Variants in KATNB1 observed in about 807,000 individuals in gnomAD.
KATNB1 encodes the protein katanin regulatory subunit B1.
A neutral mutation model predicts 82.3 loss-of-function variants in KATNB1; 38 were observed. The observed-to-expected ratio is 0.46, with a 90% CI of 0.36 to 0.61. The LOEUF is 0.61. Ranked by LOEUF, KATNB1 falls within the 20% of genes least tolerant of loss-of-function variation. KATNB1 has a pLI of 0.00. For missense variants in KATNB1, 749 were observed against 915.7 expected (o/e 0.82, Z 2.35); for synonymous variants, 361 against 368.7 (o/e 0.98, Z 0.24).
At chr16:57,750,253 G>A (rs1242584951) in intron 4 of KATNB1, among the ~76,000 whole-genome samples, 1 of 152,242 alleles carries the variant, frequency 6.6e-6, no homozygotes, top group African/African-American at 2.4e-5. Context: ...TTCCGCTGGA[G>A]CACAGTCTGT....
intron 12 of KATNB1, 89 bp from the exon 13 acceptor site, chr16:57,753,856 C>T (rs1429648013): frequency 8.0e-7 from 1 of 1,245,680 alleles, no homozygotes; most frequent in East Asian, 2.4e-5. Context: ...CTGGGAGCTA[C>T]CCTCCGTCCC....
At chr16:57,743,475 T>C (rs2049158135) in intron 3 of KATNB1, among the ~76,000 whole-genome samples, 1 of 152,212 alleles carries the variant, frequency 6.6e-6, no homozygotes, top group Non-Finnish European at 1.5e-5. Context: ...TTCAAATGTG[T>C]TTTCTACCCC....
At chr16:57,745,033 G>A (rs1040718310) in intron 4 of KATNB1, among the ~76,000 whole-genome samples, 25 of 152,156 alleles carry the variant, frequency 1.6e-4, no homozygotes, top group African/African-American at 6.0e-4. Flanking sequence ...GTTGTACATA[G>A]CCTAAAATTT....
At position 57,750,885 on chromosome 16, in the gene KATNB1, C is replaced by T. The variant is rs34213816; in HGVS notation, c.348C>T (p.Tyr116=). The change falls in exon 5 of 20, where the codon TAC becomes TAT. Residue 116 remains tyrosine (Y), a synonymous_variant. Coordinates refer to ENST00000379661, the MANE Select transcript of KATNB1 (RefSeq NM_005886.3). The part of the protein sequence containing the change: ...ANICSLDFHP[Y]GEFVASGSQD... ...TCTGCAGCCTGGATTTCCACCCGTA[C>T]GGCGAGTTTGTAGCCTCTGGTTCCC... 8.9e-3 allele frequency: 14,392 copies of T among 1,614,128 alleles called. 202 individuals are homozygous for T. The highest frequency in any genetic ancestry group is 0.067 in the Admixed American group (3,994 of 60,022).
At chr16:57,736,571 C>G (rs1274114318) in intron 1 of KATNB1, among the ~76,000 whole-genome samples, 1 of 152,080 alleles carries the variant, frequency 6.6e-6, no homozygotes, top group African/African-American at 2.4e-5. Context: ...CTTCAGTGGC[C>G]GTCTCTGGGA....
chr16:57,750,740 C>T (rs572491386), intron 4 of KATNB1, 87 bp from the exon 5 acceptor site: 125 of 948,456 alleles, frequency 1.3e-4, no homozygotes, highest in African/African-American at 3.4e-4. Flanking sequence ...AATCCAAAAG[C>T]GCACACACAA....
chr16:57,756,837 A>C lies in KATNB1; in HGVS notation c.1859A>C (p.Tyr620Ser), dbSNP rs1396624588. 1 of 1,575,886 alleles carries C rather than the reference A, an allele frequency of 6.3e-7. No individual in the cohort carries two copies. Among genetic ancestry groups the C allele is most frequent in the African/African-American group, 1.4e-5 (1 of 73,890 alleles). The change falls in exon 20 of 20, where the codon TAC (tyrosine) becomes TCC (serine). Residue 620 changes from tyrosine to serine, a missense_variant. By Grantham distance (144) the Tyr-to-Ser change is moderately radical. Transcript: ENST00000379661. Reference protein sequence around the residue: ...EERLHKCRLCYKQLKSISGLV... With the variant: ...EERLHKCRLCSKQLKSISGLV... ...AGGCTGCATAAGTGCCGGCTCTGCTACAAGCAGCTTAAGAGCATCAGCGGC... is the reference window on the plus strand; with the variant it reads ...AGGCTGCATAAGTGCCGGCTCTGCTCCAAGCAGCTTAAGAGCATCAGCGGC...
At chr16:57,745,961 C>T (rs1305237493) in intron 4 of KATNB1, among the ~76,000 whole-genome samples, 2 of 152,178 alleles carry the variant, frequency 1.3e-5, no homozygotes, top group African/African-American at 4.8e-5. Context: ...GCCCAGCTGT[C>T]ATCCTGGGCC....
In KATNB1 at chr16:57,755,414, G is replaced by C. The variant is rs201307275; in HGVS notation, c.1486G>C (p.Asp496His). The C allele has an allele frequency of 1.2e-6, 2 of 1,613,264 alleles. No individual in the cohort carries two copies. Among genetic ancestry groups the C allele is most frequent in the East Asian group, 4.5e-5 (2 of 44,888 alleles). ...CATGTCACAGATCCGCAAAGGCCAC[G>C]ACACCATGTGTGTGGTGCTCACCAG... ...DAMSQIRKGH[D>H]TMCVVLTSRH... Residue 496 changes from aspartate to histidine, a missense_variant, in exon 16 of 20, where the codon GAC becomes CAC. Physicochemically the swap from Asp to His is moderately conservative, Grantham distance 81. Coordinates refer to ENST00000379661, the MANE Select transcript of KATNB1 (RefSeq NM_005886.3).
intron 2 of KATNB1, among the ~76,000 whole-genome samples, chr16:57,739,405 T>G (rs1233532868): frequency 6.6e-6 from 1 of 152,244 alleles, no homozygotes; most frequent in Non-Finnish European, 1.5e-5. Context: ...ATGCTGATCC[T>G]CAGCCCCTCT....
At chr16:57,752,954 C>G in intron 10 of KATNB1, 26 bp downstream of exon 10, 1 of 1,598,874 alleles carries the variant, frequency 6.3e-7, no homozygotes, top group Non-Finnish European at 8.5e-7. Context: ...CACCCACCGC[C>G]CCCCACTCCC....
Position 57,755,838 on chromosome 16 carries a change from C to T in KATNB1, c.1567-3C>T. On this transcript the variant is annotated splice_region_variant and splice_polypyrimidine_tract_variant and intron_variant, in intron 16 of 19. Transcript: ENST00000379661. ...CACCCCTGACGGTGCTCTGTTTGCA[C>T]AGACGTCGGTGGACTCCGCTGTGGC... The T allele has an allele frequency of 6.3e-7, 1 of 1,582,312 alleles. No individual in the cohort carries two copies. The highest frequency in any genetic ancestry group is 2.3e-5 in the East Asian group (1 of 44,194).
chr16:57,738,657 A>G (rs114185207), intron 2 of KATNB1, among the ~76,000 whole-genome samples: 1,739 of 152,216 alleles, frequency 0.011, 51 homozygotes, highest in African/African-American at 0.04. Flanking sequence ...GGTTTGGGCC[A>G]TTTTCATGTT....
chr16:57,753,995 G>T lies in KATNB1; in HGVS notation c.1228G>T (p.Asp410Tyr), dbSNP rs201477611. Residue 410 changes from aspartate (D) to tyrosine (Y), a missense_variant and splice_region_variant, in exon 13 of 20, where the codon GAC (aspartate) becomes TAC (tyrosine). Asp to Tyr is a radical substitution (Grantham distance 160). This residue lies in a region of KATNB1 where 407 missense variants were observed against 434.7 expected (regional missense o/e 0.94). Coordinates refer to ENST00000379661, the MANE Select transcript of KATNB1 (RefSeq NM_005886.3). ...SEPFPAPPED[D>Y]AATAKEAAKP... ...GCCCTTCCCTGCACCCCCAGAGGAC[G>T]GTGAGTTGGGTGAGCCTGGTTTCCC... The T allele has an allele frequency of 6.2e-7, 1 of 1,613,208 alleles. No homozygotes were observed. Among genetic ancestry groups the T allele is most frequent in the South Asian group, 1.1e-5 (1 of 91,038 alleles).
rs868918544 is a variant in KATNB1 at position 57,752,935 on chromosome 16, G to C, written c.855+7G>C. ...CATCTGCAATGACCAGTTGGTGAGA[G>C]AGCCATGGCACCCACCGCCCCCCAC... On this transcript the variant is annotated splice_region_variant and intron_variant, in intron 10 of 19. Coordinates refer to ENST00000379661, the MANE Select transcript of KATNB1 (RefSeq NM_005886.3). The C allele has an allele frequency of 6.2e-7, 1 of 1,601,848 alleles. No individual in the cohort carries two copies. The highest frequency in any genetic ancestry group is 1.3e-5 in the African/African-American group (1 of 75,006).
rs781950610 is a variant in KATNB1 at position 57,755,391 on chromosome 16, T to C, written c.1463T>C (p.Met488Thr). The change falls in exon 16 of 20, where the codon ATG becomes ACG. Residue 488 changes from methionine to threonine, a missense_variant. By Grantham distance (81) the Met-to-Thr change is moderately conservative (BLOSUM62 -1). Coordinates refer to ENST00000379661, the MANE Select transcript of KATNB1 (RefSeq NM_005886.3). Reference sequence around the variant, plus strand: ...GCCGAGCTGGTGGACGAGGATGCCATGTCACAGATCCGCAAAGGCCACGAC... The same window carrying C: ...GCCGAGCTGGTGGACGAGGATGCCACGTCACAGATCCGCAAAGGCCACGAC... Reference protein sequence around the residue: ...QQAELVDEDAMSQIRKGHDTM... With the variant: ...QQAELVDEDATSQIRKGHDTM... 1.7e-5 allele frequency: 27 copies of C among 1,613,226 alleles called. No homozygotes were observed. In the East Asian group the frequency reaches 4.7e-4, roughly 28 times the overall value.
intron 8 of KATNB1, chr16:57,752,296 A>C (rs1233238590): frequency 8.0e-6 from 5 of 623,904 alleles, no homozygotes; most frequent in African/African-American, 7.3e-5. Flanking sequence ...GACCCAAGGC[A>C]TCTAGTGGGA....
At chr16:57,743,373 G>C (rs2049157332) in intron 3 of KATNB1, among the ~76,000 whole-genome samples, 1 of 152,208 alleles carries the variant, frequency 6.6e-6, no homozygotes. Context: ...CTGAGATCCA[G>C]GGGGAGAACT....
chr16:57,754,788 CCCA>C (rs1455075115), intron 13 of KATNB1, 139 bp from the exon 14 acceptor site: 8 of 843,488 alleles, frequency 9.5e-6, no homozygotes, highest in Non-Finnish European at 1.6e-5. Context: ...CTCTGGAACC[CCCA>C]CGCCACTGGC....
Sources: allele counts gnomAD v4.1 joint callset (sites outside exome capture counted in the v4.1 genomes callset), GRCh38; gene constraint gnomAD v4.1.1; regional missense constraint gnomAD v4.1.1; transcripts MANE v1.5; gene names NCBI Gene and HGNC (gene_info 2026-07-23, HGNC 2026-07-21).